Variants in PIBF1 observed in about 807,000 individuals in gnomAD.
The protein encoded by PIBF1 is progesterone immunomodulatory binding factor 1.
A neutral mutation model predicts 112.5 loss-of-function variants in PIBF1; 90 were observed. The observed-to-expected ratio is 0.80, with a 90% CI of 0.67 to 0.95. The LOEUF is 0.95. Among genes scored for constraint, PIBF1 ranks in the 40% least tolerant of loss-of-function variants. PIBF1 has a pLI of 0.00. For synonymous variants in PIBF1, 301 were observed against 288.6 expected, an observed-to-expected ratio of 1.04 and a Z score of -0.44; for missense variants, 915 against 852.3, an observed-to-expected ratio of 1.07 and a Z score of -0.92.
At chr13:72,888,830 A>AAAAC (rs55917163) in intron 10 of PIBF1, among the ~76,000 whole-genome samples, 21,277 of 151,842 alleles carry the variant, frequency 0.14, 1,634 homozygotes, top group Non-Finnish European at 0.17. Flanking sequence ...TGTTTAAAAA[A>AAAAC]AAACAAACCT....
intron 5 of PIBF1, among the ~76,000 whole-genome samples, chr13:72,817,783 C>G (rs2036349990): frequency 6.6e-6 from 1 of 152,136 alleles, no homozygotes. Context: ...CTCTCTATAG[C>G]TTTAACAATG....
intron 14 of PIBF1, among the ~76,000 whole-genome samples, chr13:72,938,686 G>A (rs556806492): frequency 1.6e-4 from 25 of 152,064 alleles, no homozygotes; most frequent in East Asian, 1.2e-3. Context: ...TTCAATTCTC[G>A]TTAAGTGGAA....
chr13:72,980,400 C>T (rs2043127657), intron 16 of PIBF1, among the ~76,000 whole-genome samples: 1 of 152,136 alleles, frequency 6.6e-6, no homozygotes, highest in Admixed American at 6.5e-5. Flanking sequence ...TCCCTAAAGC[C>T]CAGGGAGAAC....
At chr13:72,970,756 A>G (rs913061301) in intron 15 of PIBF1, 2 of 152,292 alleles carry the variant, frequency 1.3e-5, no homozygotes, top group Non-Finnish European at 1.5e-5. Flanking sequence ...CTAAAATTCT[A>G]TTGAGTAAAT....
chr13:72,967,027 C>G (rs1015252216), intron 15 of PIBF1, among the ~76,000 whole-genome samples: 3 of 151,762 alleles, frequency 2.0e-5, no homozygotes, highest in Non-Finnish European at 4.4e-5. Flanking sequence ...CCTCTGCCTC[C>G]CGGGTTCAAG....
At chr13:72,955,853 C>A (rs1341398063) in intron 14 of PIBF1, among the ~76,000 whole-genome samples, 4 of 152,174 alleles carry the variant, frequency 2.6e-5, no homozygotes, top group Non-Finnish European at 5.9e-5. Flanking sequence ...TTTTTCCAAT[C>A]TGTCAAGCCC....
chr13:72,858,023 T>TTGCTTTTTGTGTG (rs71099760), intron 10 of PIBF1, among the ~76,000 whole-genome samples: 16,677 of 141,084 alleles, frequency 0.12, 1,374 homozygotes, highest in East Asian at 0.25. Context: ...CAAATGTACA[T>TTGCTTTTTGTGTG]TGTGTGTGTG....
chr13:72,890,278 T>C (rs569779938), intron 10 of PIBF1, among the ~76,000 whole-genome samples: 1 of 152,306 alleles, frequency 6.6e-6, no homozygotes, highest in Admixed American at 6.5e-5. Flanking sequence ...CATGTCCTGC[T>C]ACTGGGAGTT....
At chr13:72,941,678 G>T (rs1476362035) in intron 14 of PIBF1, among the ~76,000 whole-genome samples, 1 of 152,156 alleles carries the variant, frequency 6.6e-6, no homozygotes, top group Non-Finnish European at 1.5e-5. Context: ...CTGGAATTTT[G>T]TACCTAGAAG....
intron 10 of PIBF1, among the ~76,000 whole-genome samples, chr13:72,871,188 T>A (rs1040739519): frequency 6.6e-6 from 1 of 152,166 alleles, no homozygotes; most frequent in Non-Finnish European, 1.5e-5. Flanking sequence ...TGTTCTCTAT[T>A]GCCATCCTCC....
chr13:72,913,215 G>A (rs1417842504), intron 12 of PIBF1, among the ~76,000 whole-genome samples: 2 of 151,938 alleles, frequency 1.3e-5, no homozygotes, highest in Non-Finnish European at 2.9e-5. Flanking sequence ...ACACATGTCT[G>A]TACATTTCAA....
rs374999934 is a variant in PIBF1 at position 72,783,771 on chromosome 13, C to T, written c.252+50C>T. 5.3e-5 allele frequency: 80 copies of T among 1,512,844 alleles called. No homozygotes were observed. The African/African-American group carries it at 9.9e-4, about 19-fold the overall frequency. The allele number at this position is 1,512,844 out of a possible 1,614,324, so 93.7% of individuals were successfully genotyped here. ...TTCTATATGCTTTATTGTCTTCAAA[C>T]GGCAGGTAAATAAGAATTAAATACA... On this transcript the variant is annotated intron_variant, in intron 2 of 17. Coordinates refer to ENST00000326291, the MANE Select transcript of PIBF1 (RefSeq NM_006346.4).
chr13:72,814,603 G>A (rs1481755051), intron 5 of PIBF1, among the ~76,000 whole-genome samples: 1 of 151,618 alleles, frequency 6.6e-6, no homozygotes, highest in Non-Finnish European at 1.5e-5. Context: ...AATTAGAAAC[G>A]TATCTTTTGG....
intron 14 of PIBF1, among the ~76,000 whole-genome samples, chr13:72,959,682 A>G (rs1037689140): frequency 3.9e-5 from 6 of 152,240 alleles, no homozygotes; most frequent in African/African-American, 1.2e-4. Context: ...GAAAAATTGT[A>G]ATTTTAGATT....
intron 10 of PIBF1, among the ~76,000 whole-genome samples, chr13:72,863,505 A>G (rs2038788098): frequency 6.6e-6 from 1 of 151,870 alleles, no homozygotes; most frequent in Non-Finnish European, 1.5e-5. Flanking sequence ...AAAAAAAAAA[A>G]AAATTATCCA....
intron 9 of PIBF1, among the ~76,000 whole-genome samples, chr13:72,852,181 G>A (rs2038190832): frequency 2.0e-5 from 3 of 152,176 alleles, no homozygotes; most frequent in African/African-American, 4.8e-5. Flanking sequence ...GCAACAAGGA[G>A]AGAATTGCTG....
At position 73,015,894 on chromosome 13, in the gene PIBF1, C is replaced by T. The variant is rs779938551; in HGVS notation, c.2249C>T (p.Ser750Phe). The T allele has an allele frequency of 6.3e-7, 1 of 1,587,838 alleles. No homozygotes were observed. The highest frequency in any genetic ancestry group is 8.6e-7 in the Non-Finnish European group (1 of 1,165,432). Residue 750 changes from serine to phenylalanine, a missense_variant, in exon 18 of 18, where the codon TCT (serine) becomes TTT (phenylalanine). By Grantham distance (155) the Ser-to-Phe change is radical (BLOSUM62 -2). Coordinates refer to ENST00000326291, the MANE Select transcript of PIBF1 (RefSeq NM_006346.4). ...LFTKKEAPEW[S>F]KKQKMKT ...ACTAAAAAAGAAGCACCTGAGTGGT[C>T]TAAGAAACAAAAGATGAAGACCTAG... is the stretch of plus-strand genomic sequence containing the variant.
At chr13:72,839,465 C>CT (rs1467319357) in intron 9 of PIBF1, among the ~76,000 whole-genome samples, 1 of 152,128 alleles carries the variant, frequency 6.6e-6, no homozygotes, top group Non-Finnish European at 1.5e-5. Flanking sequence ...AAAGAGTTGA[C>CT]TGTAGAAGAA....
rs143262892 is a variant in PIBF1 at position 72,845,001 on chromosome 13, A to G, written c.1224-9056A>G. On this transcript the variant is annotated intron_variant, in intron 9 of 17. Transcript: ENST00000326291. The stretch of plus-strand genomic sequence containing the variant: ...TTTATTTTATTTTATTTTAAGTTCT[A>G]TGATACAAATGCAGAACATGTAGGT... 8.5e-3 allele frequency among the ~76,000 whole-genome samples: 1,295 copies of G among 151,956 alleles called. 66 individuals carry two copies. The highest frequency in any genetic ancestry group is 0.01 in the East Asian group (54 of 5,164).
Sources: gnomAD v4.1 joint callset for allele counts (sites outside exome capture counted in the v4.1 genomes callset) on GRCh38, gnomAD v4.1.1 for gene constraint, MANE v1.5 for transcripts, NCBI Gene and HGNC (gene_info 2026-07-23, HGNC 2026-07-21) for gene names.